The following C13orf46 variants were observed in gnomAD, a reference collection of about 807,000 sequenced individuals.
The protein encoded by C13orf46 is uncharacterized protein C13orf46.
chr13:113,942,683 G>A, the C13orf46 span, among the ~76,000 whole-genome samples: 1 of 152,338 alleles, frequency 6.6e-6, no homozygotes, highest in Non-Finnish European at 1.5e-5. Flanking sequence ...GGGACTGGGT[G>A]TCTGGATGCA....
chr13:113,935,873 T>C, the C13orf46 span, among the ~76,000 whole-genome samples: 1 of 152,204 alleles, frequency 6.6e-6, no homozygotes, highest in Non-Finnish European at 1.5e-5. Context: ...TAGTGTCAGC[T>C]AAAAAATAGC....
chr13:113,929,352 G>A, the C13orf46 span, among the ~76,000 whole-genome samples: 3 of 152,254 alleles, frequency 2.0e-5, no homozygotes, highest in Non-Finnish European at 2.9e-5. Context: ...CCAGAGCCTC[G>A]CTCTGCTCCC....
chr13:113,962,368 T>A (rs1335346357), intron 6 of C13orf46, among the ~76,000 whole-genome samples: 3 of 152,172 alleles, frequency 2.0e-5, no homozygotes, highest in African/African-American at 7.2e-5. Context: ...ATGGTGCCAC[T>A]GCACTCCAGC....
downstream of C13orf46, among the ~76,000 whole-genome samples, chr13:113,949,786 G>A (rs2052481879): frequency 6.6e-6 from 1 of 151,988 alleles, no homozygotes; most frequent in South Asian, 2.1e-4. Context: ...CATGTCTCAG[G>A]CACCTTGGTG....
intron 6 of C13orf46, among the ~76,000 whole-genome samples, 193 bp from the exon 7 acceptor site, chr13:113,957,032 G>A (rs2052540856): frequency 6.6e-6 from 1 of 151,546 alleles, no homozygotes; most frequent in South Asian, 2.1e-4. Flanking sequence ...CGTTCATCAA[G>A]TGCACTGGGG....
the C13orf46 span, among the ~76,000 whole-genome samples, chr13:113,941,451 G>A: frequency 7.2e-6 from 1 of 139,254 alleles, no homozygotes; most frequent in African/African-American, 2.7e-5. Flanking sequence ...GTGAGGCTGA[G>A]CGTTCGAGAT....
At chr13:113,942,953 C>T in the C13orf46 span, among the ~76,000 whole-genome samples, 4 of 152,340 alleles carry the variant, frequency 2.6e-5, no homozygotes, top group East Asian at 5.8e-4. Context: ...AGATGGCCGG[C>T]GGCCATGGCT....
chr13:113,966,777 G>A (rs1224148644), intron 5 of C13orf46, among the ~76,000 whole-genome samples: 1 of 151,470 alleles, frequency 6.6e-6, no homozygotes, highest in Non-Finnish European at 1.5e-5. Flanking sequence ...TTGATGCTGA[G>A]GATAGTAATG....
At chr13:113,939,401 G>GGGGAGGACGCAGACCACCCA in the C13orf46 span, among the ~76,000 whole-genome samples, 602 of 150,882 alleles carry the variant, frequency 4.0e-3, 8 homozygotes, top group East Asian at 0.048. Flanking sequence ...GAGACCACCC[G>GGGGAGGACGCAGACCACCCA]ATGGGGAGGA....
chr13:113,928,450 C>T, the C13orf46 span: 1 of 152,376 alleles, frequency 6.6e-6, no homozygotes. Context: ...TGGATGGTCG[C>T]AGGTGAAGAA....
intron 6 of C13orf46, among the ~76,000 whole-genome samples, chr13:113,961,257 GTTA>G (rs1361931837): frequency 9.2e-5 from 14 of 152,044 alleles, no homozygotes; most frequent in Admixed American, 5.2e-4. Flanking sequence ...TTGTGAGCAT[GTTA>G]TTGATATAAA....
In C13orf46 at chr13:113,954,626, CT is replaced by C. The variant is rs2052506207; in HGVS notation, c.*2146del. On this transcript the variant is annotated 3_prime_UTR_variant, in exon 7 of 7. Transcript: ENST00000636427. ...GATGCTCCATCCCTGCCCTGCACCT[CT>C]CACTCCTGCCTGGTGGGGGTGCTTC... 1 of 153,892 alleles carries C rather than the reference CT, an allele frequency of 6.5e-6. No homozygotes were observed. The highest frequency in any genetic ancestry group is 6.5e-5 in the Admixed American group (1 of 15,420). The allele number at this position is 153,892 out of a possible 1,614,324, so 9.5% of individuals were successfully genotyped here.
intron 6 of C13orf46, among the ~76,000 whole-genome samples, chr13:113,962,202 G>C (rs1566418358): frequency 6.6e-6 from 1 of 152,338 alleles, no homozygotes; most frequent in East Asian, 1.9e-4. Flanking sequence ...AGGAGATCGA[G>C]ACCATCCTGG....
rs1196075553 is a variant in C13orf46 at position 113,955,809 on chromosome 13, G to GAGA, written c.*961_*963dup. 8.5e-5 allele frequency: 14 copies of GAGA among 163,752 alleles called. No homozygotes were observed. Among genetic ancestry groups the GAGA allele is most frequent in the Admixed American group, 7.2e-4 (11 of 15,220 alleles). The allele number at this position is 163,752 out of a possible 1,614,324, so 10.1% of individuals were successfully genotyped here. A position where few individuals can be genotyped will look rare whatever the true frequency, so the allele number is the denominator to read the frequency against. On this transcript the variant is annotated 3_prime_UTR_variant, in exon 7 of 7. Coordinates refer to ENST00000636427, the MANE Select transcript of C13orf46 (RefSeq NM_001365455.2). ...CGGCGGAGACGAGGAGCAGCCGGCG[G>GAGA]AGACGAGGAGCAGCCGGTGGAGACG...
chr13:113,957,959 T>TGG lies in C13orf46; in HGVS notation c.573-1122_573-1121dup, dbSNP rs1224791100. 5.0e-5 allele frequency among the ~76,000 whole-genome samples: 5 copies of TGG among 100,914 alleles called. No homozygotes were observed. The South Asian group carries it at 1.8e-3, about 37-fold the overall frequency. 66.2% of individuals were successfully genotyped at this position (100,914 alleles called of 152,430 possible). ...ATGCACCCCCTTTCATCAAGTGCAC[T>TGG]GGGGGGGTCTCCCCTGCACTCTGCC... On this transcript the variant is annotated intron_variant, in intron 6 of 6. Coordinates refer to ENST00000636427, the MANE Select transcript of C13orf46 (RefSeq NM_001365455.2).
At chr13:113,930,021 G>C in the C13orf46 span, among the ~76,000 whole-genome samples, 1 of 152,246 alleles carries the variant, frequency 6.6e-6, no homozygotes, top group Admixed American at 6.5e-5. Context: ...GGAGCCCTCG[G>C]CTCTGGACGG....
In C13orf46 at chr13:113,954,362, T is replaced by C. The variant is rs1001327706; in HGVS notation, c.*2411A>G. The C allele has an allele frequency of 2.0e-4, 31 of 152,460 alleles. No homozygotes were observed. Among genetic ancestry groups the C allele is most frequent in the African/African-American group, 6.8e-4 (28 of 41,460 alleles). The allele number at this position is 152,460 out of a possible 1,614,324, so 9.4% of individuals were successfully genotyped here. ...GTACATATGAATATGCACGTGTGCG[T>C]GTCTGAACGAGAGGGCTCTGGGTGG... On this transcript the variant is annotated 3_prime_UTR_variant, in exon 7 of 7. Transcript: ENST00000636427.
chr13:113,950,768 G>A (rs955987913), downstream of C13orf46, among the ~76,000 whole-genome samples: 10 of 152,280 alleles, frequency 6.6e-5, no homozygotes, highest in Middle Eastern at 3.4e-3. Flanking sequence ...AGGAGCCGGC[G>A]CCCAGGGGAG....
In C13orf46 at chr13:113,973,835, G is replaced by C. The variant is rs971573563; in HGVS notation, c.163C>G (p.Arg55Gly). 2 of 152,310 alleles carry C rather than the reference G, an allele frequency of 1.3e-5. No homozygotes were observed. Among genetic ancestry groups the C allele is most frequent in the Non-Finnish European group, 2.9e-5 (2 of 68,088 alleles). 9.4% of individuals were successfully genotyped at this position (152,310 alleles called of 1,614,324 possible). A position where few individuals can be genotyped will look rare whatever the true frequency, so the allele number is the denominator to read the frequency against. ...GLQPEGDPPSRPRKPHKELES... is the reference protein window; with the variant it reads ...GLQPEGDPPSGPRKPHKELES... ...AGCTCCTTGTGAGGCTTCCTAGGGCGGCTGGGAGGGTCCCCCTCGGGCTGC... is the reference window on the plus strand; with the variant it reads ...AGCTCCTTGTGAGGCTTCCTAGGGCCGCTGGGAGGGTCCCCCTCGGGCTGC... Residue 55 changes from arginine (R) to glycine (G), a missense_variant, in exon 1 of 7, where the codon CGC becomes GGC. By Grantham distance (125) the Arg-to-Gly change is moderately radical. Coordinates refer to ENST00000636427, the MANE Select transcript of C13orf46 (RefSeq NM_001365455.2).
Sources: allele counts gnomAD v4.1 joint callset (sites outside exome capture counted in the v4.1 genomes callset), GRCh38; gene constraint gnomAD v4.1.1; transcripts MANE v1.5; gene names NCBI Gene and HGNC (gene_info 2026-07-23, HGNC 2026-07-21).